Variants in DIAPH2 observed in about 807,000 individuals in gnomAD.
DIAPH2 encodes protein diaphanous homolog 2.
DIAPH2 carries 35 observed loss-of-function variants against 92.7 expected under a neutral mutation model. The ratio of observed to expected loss-of-function variants is 0.38; its 90% CI spans 0.29 to 0.50. The LOEUF is 0.50. Ranked by LOEUF, DIAPH2 falls within the 20% of genes least tolerant of loss-of-function variation. DIAPH2 has a pLI of 0.94. For missense variants in DIAPH2, 701 were observed against 819.5 expected (o/e 0.86, Z 1.77); for synonymous variants, 301 against 280.4 (o/e 1.07, Z -0.73).
chrX:96,799,918 A>G (rs1295283404), intron 4 of DIAPH2, among the ~76,000 whole-genome samples: 1 of 110,725 alleles, frequency 9.0e-6, no homozygotes, highest in Non-Finnish European at 1.9e-5. Flanking sequence ...TTAATCCTAT[A>G]AGTTTAATCA....
chrX:97,464,297 T>TAAAAAAAAAAAAAA lies in DIAPH2; in HGVS notation c.3241+34569_3241+34582dup, dbSNP rs753355896. Among the ~76,000 whole-genome samples the TAAAAAAAAAAAAAA allele has an allele frequency of 2.7e-4, 9 of 32,943 alleles. 1 individual carries two copies. Among genetic ancestry groups the TAAAAAAAAAAAAAA allele is most frequent in the African/African-American group, 1.2e-3 (8 of 6,692 alleles). 28.6% of individuals were successfully genotyped at this position (32,943 alleles called of 115,157 possible). A position where few individuals can be genotyped will look rare whatever the true frequency, so the allele number is the denominator to read the frequency against. ...TAACACGGTGAAACCCCATCTCTAC[T>TAAAAAAAAAAAAAA]AAAAAAAAAAAAAAAAAAAAAAAAA... On this transcript the variant is annotated intron_variant, in intron 26 of 26. Transcript: ENST00000324765.
intron 26 of DIAPH2, among the ~76,000 whole-genome samples, chrX:97,544,416 A>G (rs2071164336): frequency 8.9e-6 from 1 of 112,271 alleles, no homozygotes; most frequent in Non-Finnish European, 1.9e-5. Flanking sequence ...AATGAAACTT[A>G]TAAGTGGATT....
chrX:97,519,210 A>G (rs1270049339), intron 26 of DIAPH2, among the ~76,000 whole-genome samples: 1 of 111,843 alleles, frequency 8.9e-6, no homozygotes, highest in Non-Finnish European at 1.9e-5. Flanking sequence ...CCCTATTTAA[A>G]CAACCCAATA....
rs1021061761 is a variant in DIAPH2, at chrX:97,094,661, C to G, written c.2248-5033C>G. 2.7e-5 allele frequency among the ~76,000 whole-genome samples: 3 copies of G among 112,010 alleles called. No homozygotes were observed. The Admixed American group carries it at 2.8e-4, about 11-fold the overall frequency. On this transcript the variant is annotated intron_variant, in intron 19 of 26. Transcript: ENST00000324765. ...AAAGGAGAAGATTGTACCATCACCA[C>G]CTGACAGAAAATGTATTTTGGATCA...
chrX:97,029,131 T>C (rs1474556185), intron 17 of DIAPH2, among the ~76,000 whole-genome samples: 2 of 103,763 alleles, frequency 1.9e-5, no homozygotes, highest in East Asian at 6.0e-4. Flanking sequence ...TGAGATCCTT[T>C]ACTTTTTTCT....
chrX:97,301,180 A>G (rs1249781899), intron 23 of DIAPH2, among the ~76,000 whole-genome samples: 1 of 104,827 alleles, frequency 9.5e-6, no homozygotes. Context: ...AAGAAAATTT[A>G]AGTAATTGGA....
chrX:97,367,448 T>C (rs2069391629), intron 24 of DIAPH2, among the ~76,000 whole-genome samples: 1 of 111,783 alleles, frequency 8.9e-6, no homozygotes, highest in Non-Finnish European at 1.9e-5. Flanking sequence ...AAAAGAGGAT[T>C]GTAAAGCAGA....
intron 23 of DIAPH2, among the ~76,000 whole-genome samples, chrX:97,269,206 C>T (rs983107547): frequency 9.0e-6 from 1 of 111,522 alleles, no homozygotes; most frequent in South Asian, 3.7e-4. Context: ...GAGAGAGTTC[C>T]TATTTTGAGG....
intron 26 of DIAPH2, among the ~76,000 whole-genome samples, chrX:97,438,367 T>G (rs1196248879): frequency 5.4e-4 from 42 of 77,732 alleles, no homozygotes; most frequent in African/African-American, 1.8e-3. Context: ...TTGTTTTTTT[T>G]TTTTTTTTTT....
chrX:96,741,200 T>G (rs897014359), intron 3 of DIAPH2, among the ~76,000 whole-genome samples: 4 of 109,431 alleles, frequency 3.7e-5, no homozygotes, highest in African/African-American at 1.3e-4. Flanking sequence ...CTGAGCAGCA[T>G]GTAAACATGC....
At chrX:96,739,553 A>G (rs188487338) in intron 3 of DIAPH2, among the ~76,000 whole-genome samples, 9 of 111,952 alleles carry the variant, frequency 8.0e-5, no homozygotes, top group African/African-American at 2.3e-4. Flanking sequence ...TCTAGACCCT[A>G]CTGTGCCCAC....
At chrX:97,572,347 C>T (rs1167104991) in intron 26 of DIAPH2, among the ~76,000 whole-genome samples, 1 of 111,152 alleles carries the variant, frequency 9.0e-6, no homozygotes, top group African/African-American at 3.3e-5. Context: ...TATAACTTTT[C>T]AATAATCATT....
At chrX:96,831,224 G>T (rs1039159857) in intron 4 of DIAPH2, among the ~76,000 whole-genome samples, 2 of 111,319 alleles carry the variant, frequency 1.8e-5, no homozygotes, top group Middle Eastern at 4.2e-3. Flanking sequence ...CCTCAAGGAA[G>T]CCTTTCCTAA....
intron 23 of DIAPH2, among the ~76,000 whole-genome samples, chrX:97,321,818 G>C (rs1317519985): frequency 9.0e-6 from 1 of 111,153 alleles, no homozygotes. Flanking sequence ...CAAAGTGCTG[G>C]GATTACAGGC....
intron 20 of DIAPH2, among the ~76,000 whole-genome samples, chrX:97,107,872 C>T (rs1403049967): frequency 1.6e-4 from 18 of 111,309 alleles, no homozygotes; most frequent in Non-Finnish European, 5.7e-5. Context: ...ATATGTTAGG[C>T]CTTAATGGAA....
At chrX:96,895,739 A>G (rs1421350394) in intron 5 of DIAPH2, among the ~76,000 whole-genome samples, 1 of 112,087 alleles carries the variant, frequency 8.9e-6, no homozygotes, top group Non-Finnish European at 1.9e-5. Flanking sequence ...AGAGGAAGTG[A>G]TTGGTCTGGC....
chrX:96,841,643 A>T (rs2064937402), intron 4 of DIAPH2, among the ~76,000 whole-genome samples: 1 of 111,827 alleles, frequency 8.9e-6, no homozygotes, highest in African/African-American at 3.3e-5. Context: ...TTCTACCAGC[A>T]CTACCTATCA....
At chrX:97,509,368 A>C (rs1467977921) in intron 26 of DIAPH2, among the ~76,000 whole-genome samples, 4 of 108,471 alleles carry the variant, frequency 3.7e-5, no homozygotes, top group Non-Finnish European at 7.6e-5. Context: ...AATATACGTA[A>C]ATTTTATGTG....
At chrX:97,373,946 A>T (rs1320770896) in intron 24 of DIAPH2, among the ~76,000 whole-genome samples, 1 of 111,076 alleles carries the variant, frequency 9.0e-6, no homozygotes, top group Non-Finnish European at 1.9e-5. Context: ...TGTAAAGATG[A>T]GGAGCGAGGG....
Sources: gnomAD v4.1 joint callset for allele counts (sites outside exome capture counted in the v4.1 genomes callset) on GRCh38, gnomAD v4.1.1 for gene constraint, MANE v1.5 for transcripts, NCBI Gene and HGNC (gene_info 2026-07-23, HGNC 2026-07-21) for gene names.